CLN3: variants seen among roughly 807,000 people sequenced by gnomAD.
CLN3 encodes the protein battenin.
In CLN3, 49 loss-of-function variants were observed where a neutral mutation model predicts 60.7. That is an observed-to-expected ratio of 0.81 (90% CI 0.64 to 1.02). The LOEUF is 1.02. CLN3 is among the 50% of genes least tolerant of loss of function. The pLI is 0.00. For missense variants in CLN3, 516 were observed against 557.4 expected (o/e 0.93, Z 0.75); for synonymous variants, 256 against 245.8 (o/e 1.04, Z -0.39).
In CLN3 at chr16:28,487,708, C is replaced by T. The variant is rs781534624; in HGVS notation, c.328G>A (p.Val110Ile). ...VLLADILPTL[V>I]IKLLAPLGLH... ...CCAAGAGGAGCCAACAATTTGATGACGAGTGTGGGGAGGATGTCCGCCAGG... is the reference window on the plus strand; with the variant it reads ...CCAAGAGGAGCCAACAATTTGATGATGAGTGTGGGGAGGATGTCCGCCAGG... Residue 110 changes from valine to isoleucine, a missense_variant, in exon 6 of 16, where the codon GTC becomes ATC. Physicochemically the swap from Val to Ile is conservative, Grantham distance 29. Transcript: ENST00000636147. 6.8e-6 allele frequency: 11 copies of T among 1,613,810 alleles called. No individual in the cohort carries two copies. Among genetic ancestry groups the T allele is most frequent in the African/African-American group, 1.3e-5 (1 of 74,918 alleles).
At chr16:28,488,340 T>TATATATA (rs1567262256) in intron 5 of CLN3, 1 of 214,644 alleles carries the variant, frequency 4.7e-6, no homozygotes, top group African/African-American at 2.3e-5. Context: ...ATATATATAT[T>TATATATA]TTTTAATTTT....
At chr16:28,490,615 C>G (rs1345221394) in intron 3 of CLN3, among the ~76,000 whole-genome samples, 1 of 151,332 alleles carries the variant, frequency 6.6e-6, no homozygotes, top group Non-Finnish European at 1.5e-5. Context: ...AAAAAAATAG[C>G]CGGGCGTGGT....
intron 9 of CLN3, chr16:28,484,446 T>C: frequency 3.2e-6 from 1 of 315,116 alleles, no homozygotes; most frequent in Non-Finnish European, 6.2e-6. Context: ...CCTCCCAGGC[T>C]CAAGCAATCC....
At chr16:28,490,574 C>G (rs1433287020) in intron 3 of CLN3, among the ~76,000 whole-genome samples, 1 of 151,022 alleles carries the variant, frequency 6.6e-6, no homozygotes, top group Non-Finnish European at 1.5e-5. Context: ...TCCTGGATAA[C>G]GCGGTGAAAC....
At chr16:28,473,572 AATAG>A (rs1188865909), downstream of CLN3, among the ~76,000 whole-genome samples, 2 of 152,232 alleles carry the variant, frequency 1.3e-5, no homozygotes, top group Non-Finnish European at 2.9e-5. Context: ...CCAAACAAAA[AATAG>A]ATAAATTGGA....
At chr16:28,490,211 G>A (rs28502521) in intron 3 of CLN3, 21,207 of 151,984 alleles carry the variant, frequency 0.14, 2,108 homozygotes, top group African/African-American at 0.28. Flanking sequence ...GGGAAGTGGA[G>A]GCAAGCGGAT....
intron 7 of CLN3, chr16:28,486,979 C>T (rs1036406795): frequency 4.3e-5 from 17 of 393,172 alleles, no homozygotes; most frequent in Non-Finnish European, 7.3e-5. Flanking sequence ...GGCGTGATCT[C>T]GGCTCACTGC....
At chr16:28,467,251 ACT>A in the CLN3 span, among the ~76,000 whole-genome samples, 1 of 109,092 alleles carries the variant, frequency 9.2e-6, no homozygotes, top group African/African-American at 3.1e-5. Flanking sequence ...CTAAAAAAAA[ACT>A]CTTTTTTTTT....
chr16:28,472,461 T>C (rs528988595), downstream of CLN3, among the ~76,000 whole-genome samples: 1 of 152,278 alleles, frequency 6.6e-6, no homozygotes, highest in Admixed American at 6.5e-5. Flanking sequence ...CTGCACAGAC[T>C]GCTGTATCAC....
In CLN3 at chr16:28,477,740, C is replaced by T; in HGVS notation, c.1194G>A (p.Leu398=). The change falls in exon 15 of 16, where the codon CTG becomes CTA. Residue 398 remains leucine, a synonymous_variant. Transcript: ENST00000636147. ...AYVNTFHNIA[L]ETSDEHREFA... ...CCCTTGCCCGGCCAATGCTGACCTCCAGGGCGATGTTGTGGAAGGTGTTCA... is the reference window on the plus strand; with the variant it reads ...CCCTTGCCCGGCCAATGCTGACCTCTAGGGCGATGTTGTGGAAGGTGTTCA... 6.2e-7 allele frequency: 1 copy of T among 1,614,188 alleles called. No homozygotes were observed. Among genetic ancestry groups the T allele is most frequent in the Non-Finnish European group, 8.5e-7 (1 of 1,180,040 alleles).
chr16:28,480,307 GC>G (rs1292352753), intron 14 of CLN3, among the ~76,000 whole-genome samples: 1 of 151,834 alleles, frequency 6.6e-6, no homozygotes, highest in Non-Finnish European at 1.5e-5. Context: ...TCCCACCCTA[GC>G]CTCCAAAAGC....
chr16:28,472,024 C>T (rs568468875), downstream of CLN3, among the ~76,000 whole-genome samples: 27 of 151,736 alleles, frequency 1.8e-4, no homozygotes, highest in South Asian at 4.4e-3. Context: ...AGCGAGACTC[C>T]GTCTCCAAAA....
chr16:28,479,854 C>G (rs1005847872), intron 14 of CLN3: 1 of 158,816 alleles, frequency 6.3e-6, no homozygotes, highest in African/African-American at 2.4e-5. Context: ...TATCTACAAG[C>G]ACCCTGAGTT....
In CLN3 at chr16:28,491,551, G is replaced by T; in HGVS notation, c.56C>A (p.Thr19Asn). 1.2e-6 allele frequency: 2 copies of T among 1,614,088 alleles called. No individual in the cohort carries two copies. The highest frequency in any genetic ancestry group is 1.1e-5 in the South Asian group (1 of 91,078). Residue 19 changes from threonine to asparagine, a missense_variant, in exon 3 of 16, where the codon ACC (threonine) becomes AAC (asparagine). Transcript: ENST00000636147. Reference protein sequence around the residue: ...RRFSDSEGEETVPEPRLPLLD... With the variant: ...RRFSDSEGEENVPEPRLPLLD... ...CAGAGGGAGCCGGGGCTCCGGGACG[G>T]TCTCCTCCCCTGGGAGAGCGAGAAG...
chr16:28,483,972 G>A (rs2141706536), intron 10 of CLN3, 34 bp downstream of exon 10: 1 of 1,497,556 alleles, frequency 6.7e-7, no homozygotes, highest in East Asian at 2.4e-5. Flanking sequence ...CAGAGAGAAA[G>A]AAAGTGACCT....
downstream of CLN3, among the ~76,000 whole-genome samples, chr16:28,472,160 C>A (rs970786113): frequency 6.6e-6 from 1 of 152,208 alleles, no homozygotes; most frequent in East Asian, 1.9e-4. Context: ...CGCCTGTAAT[C>A]CCAGTATCTC....
rs146928950 is a variant in CLN3 at position 28,483,331 on chromosome 16, C to T, written c.791-659G>A. On this transcript the variant is annotated intron_variant, in intron 10 of 15. Transcript: ENST00000636147. The stretch of plus-strand genomic sequence containing the variant: ...CTGCCTCCTGGGTTCAAGTGATTCT[C>T]GTGCCTCAGCTTCCCAAGTAGCTGG... 9.8e-3 allele frequency among the ~76,000 whole-genome samples: 1,492 copies of T among 151,932 alleles called. 22 individuals are homozygous for T. Among genetic ancestry groups the T allele is most frequent in the African/African-American group, 0.032 (1,315 of 41,468 alleles).
chr16:28,482,726 G>A, intron 10 of CLN3, 54 bp from the exon 11 acceptor site: 2 of 1,580,646 alleles, frequency 1.3e-6, no homozygotes, highest in Non-Finnish European at 1.7e-6. Flanking sequence ...TGAAGACTCG[G>A]CAAAGAGGCA....
chr16:28,480,433 C>T (rs2141699311), intron 14 of CLN3, among the ~76,000 whole-genome samples: 1 of 151,070 alleles, frequency 6.6e-6, no homozygotes, highest in African/African-American at 2.4e-5. Context: ...TGGAGTCTCG[C>T]TCTGTGGCCC....
Sources: gnomAD v4.1 joint callset for allele counts (sites outside exome capture counted in the v4.1 genomes callset) on GRCh38, gnomAD v4.1.1 for gene constraint, MANE v1.5 for transcripts, NCBI Gene and HGNC (gene_info 2026-07-23, HGNC 2026-07-21) for gene names.